Variants in PDZD2 observed in about 807,000 individuals in gnomAD.
The protein encoded by PDZD2 is PDZ domain containing 2.
A neutral mutation model predicts 220.7 loss-of-function variants in PDZD2; 90 were observed. That is an observed-to-expected ratio of 0.41 (90% CI 0.34 to 0.49). The LOEUF (loss-of-function observed/expected upper bound fraction) is 0.49, where lower values mean the gene tolerates loss of function less well. Ranked by LOEUF, PDZD2 falls within the 20% of genes least tolerant of loss-of-function variation. The probability of loss-of-function intolerance (pLI) is 0.28; values close to 1 mark genes in which losing one functional copy is unlikely to be tolerated. For missense variants in PDZD2, 3,174 were observed against 3,608.5 expected (o/e 0.88, Z 3.08); for synonymous variants, 1,375 against 1,450.5 (o/e 0.95, Z 1.18).
intron 1 of PDZD2, among the ~76,000 whole-genome samples, chr5:31,640,463 G>A (rs1293490937): frequency 2.0e-5 from 3 of 152,212 alleles, no homozygotes; most frequent in African/African-American, 7.2e-5. Context: ...GGTAGGGTAG[G>A]TGGATATGTT....
intron 1 of PDZD2, among the ~76,000 whole-genome samples, chr5:31,766,318 T>C (rs1297323867): frequency 6.6e-6 from 1 of 152,212 alleles, no homozygotes; most frequent in African/African-American, 2.4e-5. Context: ...TATTTGAAGA[T>C]GCTAATATAA....
intron 2 of PDZD2, among the ~76,000 whole-genome samples, chr5:31,887,329 A>T (rs1167461573): frequency 6.6e-6 from 1 of 151,910 alleles, no homozygotes; most frequent in East Asian, 1.9e-4. Flanking sequence ...TAGGAAAGTG[A>T]CTCTTGCTTC....
intron 2 of PDZD2, among the ~76,000 whole-genome samples, chr5:31,964,618 C>A (rs933966478): frequency 9.2e-5 from 14 of 152,190 alleles, no homozygotes; most frequent in African/African-American, 3.4e-4. Context: ...TAAGTCCTGT[C>A]CATTCCTGAC....
chr5:31,835,953 A>G (rs892276160), intron 2 of PDZD2, among the ~76,000 whole-genome samples: 4 of 152,062 alleles, frequency 2.6e-5, no homozygotes, highest in Admixed American at 2.0e-4. Flanking sequence ...CAGGCTCATC[A>G]CTCATTGACA....
In PDZD2 at chr5:32,098,811, AAAAATTAG is replaced by A. The variant is rs1220901902; in HGVS notation, c.8218+190_8218+197del. On this transcript the variant is annotated intron_variant, in intron 23 of 24. Coordinates refer to ENST00000438447, the MANE Select transcript of PDZD2 (RefSeq NM_178140.4). The surrounding 1 kb of genome is among the most constrained non-coding windows in gnomAD (Gnocchi z 4.1). ...AAGCAGTGTTACAAATAAATTAGAA[AAAAATTAG>A]AAAATTAGAAAAATCCCCCCAGTAG... is the stretch of plus-strand genomic sequence containing the variant. Among the ~76,000 whole-genome samples, 2 of 152,372 alleles carry A rather than the reference AAAAATTAG, an allele frequency of 1.3e-5. No individual in the cohort carries two copies. Among genetic ancestry groups the A allele is most frequent in the Non-Finnish European group, 1.5e-5 (1 of 68,048 alleles).
intron 1 of PDZD2, among the ~76,000 whole-genome samples, chr5:31,672,258 T>G (rs1387156360): frequency 6.6e-6 from 1 of 152,168 alleles, no homozygotes; most frequent in Non-Finnish European, 1.5e-5. Flanking sequence ...AATCGGTAAG[T>G]CTGGGGAGGG....
In PDZD2 at chr5:32,010,347, C is replaced by T. The variant is rs772906311; in HGVS notation, c.1272C>T (p.Asp424=). The T allele has an allele frequency of 1.9e-6, 3 of 1,604,616 alleles. No individual in the cohort carries two copies. Among genetic ancestry groups the T allele is most frequent in the Admixed American group, 1.7e-5 (1 of 59,648 alleles). ...VVASKENSAE[D]LLRLTSKSLP... is the part of the protein sequence containing the mutation. Reference sequence around the variant, plus strand: ...CCCCATAGGAAAACTCCGCAGAGGACCTCCTCAGGTTAACATCTAAGAGCT... The same window carrying T: ...CCCCATAGGAAAACTCCGCAGAGGATCTCCTCAGGTTAACATCTAAGAGCT... The change falls in exon 6 of 25, where the codon GAC becomes GAT. Residue 424 remains aspartate, a synonymous_variant. Transcript: ENST00000438447.
At position 32,089,986 on chromosome 5, in the gene PDZD2, A is replaced by G; in HGVS notation, c.6538A>G (p.Lys2180Glu). Reference sequence around the variant, plus strand: ...CTCCTCCCTTCAAACAGCCATTAGAAAGGCAGAATACTCCCAGGGAAAATC... The same window carrying G: ...CTCCTCCCTTCAAACAGCCATTAGAGAGGCAGAATACTCCCAGGGAAAATC... ...SSSSLQTAIR[K>E]AEYSQGKSSL... The change falls in exon 20 of 25, where the codon AAG (lysine) becomes GAG (glutamate). Residue 2180 changes from lysine to glutamate, a missense_variant. By Grantham distance (56) the Lys-to-Glu change is moderately conservative. Around this residue, in one of 4 missense-constraint regions of PDZD2, gnomAD observed 1,861 missense variants for 2,001.0 expected, o/e 0.93. Transcript: ENST00000438447. 6.2e-7 allele frequency: 1 copy of G among 1,602,984 alleles called. No individual in the cohort carries two copies. Among genetic ancestry groups the G allele is most frequent in the Non-Finnish European group, 8.5e-7 (1 of 1,174,486 alleles).
chr5:31,856,228 G>A (rs146308968), intron 2 of PDZD2, among the ~76,000 whole-genome samples: 151 of 152,214 alleles, frequency 9.9e-4, no homozygotes, highest in African/African-American at 3.5e-3. Flanking sequence ...GTAGGCCTCC[G>A]TGGCTCCTTT....
intron 2 of PDZD2, among the ~76,000 whole-genome samples, chr5:31,857,461 C>T (rs1481522567): frequency 6.6e-6 from 1 of 152,088 alleles, no homozygotes; most frequent in African/African-American, 2.4e-5. Flanking sequence ...ACATGGGAGG[C>T]AAGTTTTTTG....
intron 2 of PDZD2, among the ~76,000 whole-genome samples, chr5:31,912,877 T>C (rs1284389388): frequency 1.3e-5 from 2 of 152,202 alleles, no homozygotes; most frequent in Non-Finnish European, 2.9e-5. Context: ...GTTCGGGCTT[T>C]CATCTGCTGG....
In PDZD2 at chr5:32,089,531, C is replaced by A. The variant is rs376494246; in HGVS notation, c.6083C>A (p.Ala2028Glu). Residue 2028 changes from alanine to glutamate, a missense_variant, in exon 20 of 25, where the codon GCG (alanine) becomes GAG (glutamate). Transcript: ENST00000438447. ...CCTAAGTGTAGAGCAGAGGGCAGGGCGCCCCGTGCTGACTCCGGGCCGGTG... is the reference window on the plus strand; with the variant it reads ...CCTAAGTGTAGAGCAGAGGGCAGGGAGCCCCGTGCTGACTCCGGGCCGGTG... ...KSPKCRAEGR[A>E]PRADSGPVSP... is the part of the protein sequence containing the mutation. 4 of 1,612,166 alleles carry A rather than the reference C, an allele frequency of 2.5e-6. No homozygotes were observed. In the South Asian group the frequency reaches 3.3e-5, roughly 13 times the overall value.
intron 2 of PDZD2, chr5:31,854,925 C>T: frequency 1.0e-6 from 1 of 952,862 alleles, no homozygotes; most frequent in Non-Finnish European, 1.2e-6. Context: ...AGGGGGGGGT[C>T]CTCCCACAGA....
chr5:31,933,013 TGA>T (rs1164526812), intron 2 of PDZD2, among the ~76,000 whole-genome samples: 1 of 151,928 alleles, frequency 6.6e-6, no homozygotes, highest in Non-Finnish European at 1.5e-5. Flanking sequence ...AGGGTTCAAG[TGA>T]TTCTCATGCC....
At chr5:31,878,979 T>C (rs1346840416) in intron 2 of PDZD2, among the ~76,000 whole-genome samples, 2 of 152,106 alleles carry the variant, frequency 1.3e-5, no homozygotes, top group East Asian at 3.9e-4. Flanking sequence ...TGTCCAACCA[T>C]GTAGGTGGAT....
In PDZD2 at chr5:32,074,144, A is replaced by T. The variant is rs763464705; in HGVS notation, c.3038A>T (p.Asp1013Val). 1.9e-6 allele frequency: 3 copies of T among 1,614,184 alleles called. No homozygotes were observed. In the Admixed American group the frequency reaches 5.0e-5, roughly 27 times the overall value. Residue 1013 changes from aspartate to valine, a missense_variant, in exon 18 of 25, where the codon GAC becomes GTC. Asp to Val is a radical substitution (Grantham distance 152). This residue lies in a region of PDZD2 where 1,861 missense variants were observed against 2,001.0 expected (regional missense o/e 0.93). Coordinates refer to ENST00000438447, the MANE Select transcript of PDZD2 (RefSeq NM_178140.4). ...TCAATTTCCTCTTCCAAGGGCATGG[A>T]CGTCCACAACCAAGAGGAACGACCC... ...RVSISSSKGMDVHNQEERPRK... is the reference protein window; with the variant it reads ...RVSISSSKGMVVHNQEERPRK...
chr5:31,773,280 A>G (rs908240078), intron 1 of PDZD2, among the ~76,000 whole-genome samples: 1 of 152,160 alleles, frequency 6.6e-6, no homozygotes, highest in African/African-American at 2.4e-5. Flanking sequence ...TCATGAGACA[A>G]TGGGAGCTCA....
chr5:31,902,782 G>A (rs1036832232), intron 2 of PDZD2, among the ~76,000 whole-genome samples: 1 of 151,782 alleles, frequency 6.6e-6, no homozygotes, highest in Admixed American at 6.6e-5. Context: ...TAGGAGAATC[G>A]CTTGAACCTA....
chr5:31,861,023 G>A (rs1424455811), intron 2 of PDZD2, among the ~76,000 whole-genome samples: 1 of 152,130 alleles, frequency 6.6e-6, no homozygotes, highest in Non-Finnish European at 1.5e-5. Context: ...GCTATCAAAG[G>A]CTAAGCAATA....
Sources: allele counts gnomAD v4.1 joint callset (sites outside exome capture counted in the v4.1 genomes callset), GRCh38; gene constraint gnomAD v4.1.1; regional missense constraint gnomAD v4.1.1; non-coding constraint Gnocchi (gnomAD v3.1); transcripts MANE v1.5; gene names NCBI Gene and HGNC (gene_info 2026-07-23, HGNC 2026-07-21).